Variants in RPS6KC1 observed in about 807,000 individuals in gnomAD.
The protein encoded by RPS6KC1 is inactive ribosomal protein S6 kinase delta-1.
RPS6KC1 carries 54 observed loss-of-function variants against 103.8 expected under a neutral mutation model. The ratio of observed to expected loss-of-function variants is 0.52; its 90% CI spans 0.42 to 0.65. The LOEUF (loss-of-function observed/expected upper bound fraction) is 0.65. Ranked by LOEUF, RPS6KC1 falls within the 30% of genes least tolerant of loss-of-function variation. The pLI, the probability that RPS6KC1 is intolerant of heterozygous loss-of-function variation, is 0.00. For missense variants in RPS6KC1, 1,151 were observed against 1,253.8 expected (o/e 0.92, Z 1.24); for synonymous variants, 439 against 438.7 (o/e 1.00, Z -0.01).
At chr1:213,292,289 CA>C in the RPS6KC1 span, among the ~76,000 whole-genome samples, 7 of 151,260 alleles carry the variant, frequency 4.6e-5, no homozygotes, top group African/African-American at 1.7e-4. Context: ...CAAAACAAAA[CA>C]AAAAAAACAT....
At chr1:213,377,374 G>A in the RPS6KC1 span, among the ~76,000 whole-genome samples, 1 of 152,216 alleles carries the variant, frequency 6.6e-6, no homozygotes, top group East Asian at 1.9e-4. Context: ...TGAACTGGGA[G>A]TACCCTAAAC....
the RPS6KC1 span, among the ~76,000 whole-genome samples, chr1:213,352,292 T>C: frequency 6.6e-6 from 1 of 152,212 alleles, no homozygotes; most frequent in Non-Finnish European, 1.5e-5. Flanking sequence ...TATTCTCTAC[T>C]GTAATTCTAA....
the RPS6KC1 span, among the ~76,000 whole-genome samples, chr1:213,398,322 C>T: frequency 6.6e-6 from 1 of 150,882 alleles, no homozygotes; most frequent in Non-Finnish European, 1.5e-5. Context: ...GCTAGGATTA[C>T]AGGTGTGAGC....
At chr1:213,153,278 A>AAGGCAGGCGCAG (rs1336548739) in intron 6 of RPS6KC1, among the ~76,000 whole-genome samples, 2 of 149,682 alleles carry the variant, frequency 1.3e-5, no homozygotes, top group Non-Finnish European at 3.0e-5. Context: ...GGGAGAGGCA[A>AAGGCAGGCGCAG]AGGCAGGCGC....
At chr1:213,262,697 A>T in intron 13 of RPS6KC1, 24 bp from the exon 14 acceptor site, 6 of 1,396,630 alleles carry the variant, frequency 4.3e-6, no homozygotes, top group Non-Finnish European at 6.1e-6. Flanking sequence ...TGGGATAAGA[A>T]GTGTACCTGA....
chr1:213,179,028 C>G (rs12065448), intron 8 of RPS6KC1, among the ~76,000 whole-genome samples: 1 of 151,890 alleles, frequency 6.6e-6, no homozygotes, highest in Admixed American at 6.6e-5. Flanking sequence ...CCTAACTTTT[C>G]TTAGTAGAGA....
chr1:213,782,479 G>GAA, the RPS6KC1 span, among the ~76,000 whole-genome samples: 158 of 152,120 alleles, frequency 1.0e-3, no homozygotes, highest in Non-Finnish European at 2.0e-3. Context: ...TGATGAGGAA[G>GAA]AAAAGGCTTA....
chr1:213,406,167 T>C, the RPS6KC1 span, among the ~76,000 whole-genome samples: 2 of 152,206 alleles, frequency 1.3e-5, no homozygotes, highest in African/African-American at 4.8e-5. Context: ...CTGGCTCCAC[T>C]GTGGGGTCGG....
the RPS6KC1 span, among the ~76,000 whole-genome samples, chr1:213,691,448 G>A: frequency 6.6e-6 from 1 of 152,108 alleles, no homozygotes; most frequent in Non-Finnish European, 1.5e-5. Flanking sequence ...GGGTTGGTAA[G>A]TGCCCTTAAA....
chr1:213,109,801 G>GTA (rs916308412), intron 4 of RPS6KC1, among the ~76,000 whole-genome samples: 1 of 151,486 alleles, frequency 6.6e-6, no homozygotes, highest in African/African-American at 2.4e-5. Flanking sequence ...TTTCTCGTAG[G>GTA]TATACCTAGG....
At chr1:213,610,958 C>T in the RPS6KC1 span, among the ~76,000 whole-genome samples, 4 of 152,138 alleles carry the variant, frequency 2.6e-5, no homozygotes, top group Non-Finnish European at 4.4e-5. Context: ...TGAAACATTT[C>T]CTATTTCTGA....
chr1:213,338,704 A>G, the RPS6KC1 span, among the ~76,000 whole-genome samples: 1,050 of 151,198 alleles, frequency 6.9e-3, 13 homozygotes, highest in African/African-American at 0.021. Context: ...GCTTTGTGAC[A>G]TGTTTTGACT....
the RPS6KC1 span, among the ~76,000 whole-genome samples, chr1:213,554,523 A>G: frequency 6.6e-6 from 1 of 152,174 alleles, no homozygotes; most frequent in Non-Finnish European, 1.5e-5. Context: ...TTTGGTTCCA[A>G]ATGAATTTTA....
intron 5 of RPS6KC1, among the ~76,000 whole-genome samples, chr1:213,126,857 T>C (rs547790238): frequency 6.6e-6 from 1 of 152,314 alleles, no homozygotes; most frequent in Non-Finnish European, 1.5e-5. Flanking sequence ...AGACCACATA[T>C]GGCCTGCAAA....
Position 213,144,239 on chromosome 1 carries a change from T to G in RPS6KC1, c.835+14350T>G, listed in dbSNP as rs530199473. Among the ~76,000 whole-genome samples, 4 of 152,202 alleles carry G rather than the reference T, an allele frequency of 2.6e-5. No individual in the cohort carries two copies. In the South Asian group the frequency reaches 8.3e-4, roughly 32 times the overall value. On this transcript the variant is annotated intron_variant, in intron 6 of 14. Coordinates refer to ENST00000366960, the MANE Select transcript of RPS6KC1 (RefSeq NM_012424.6). ...ACTTAGAAGTATGTCATAAATAGCA[T>G]AAGCATATTGTTTAATTTTCTGGCA...
the RPS6KC1 span, among the ~76,000 whole-genome samples, chr1:213,808,490 G>T: frequency 6.6e-6 from 1 of 152,230 alleles, no homozygotes; most frequent in Non-Finnish European, 1.5e-5. Flanking sequence ...AATGGTGGGT[G>T]CCCCTCCCCC....
the RPS6KC1 span, among the ~76,000 whole-genome samples, chr1:213,664,692 C>A: frequency 1.3e-5 from 2 of 152,254 alleles, 1 homozygote; most frequent in South Asian, 4.1e-4. Context: ...GGAAACAATG[C>A]CCCTGCCTGG....
At chr1:213,406,577 G>A in the RPS6KC1 span, among the ~76,000 whole-genome samples, 1 of 152,144 alleles carries the variant, frequency 6.6e-6, no homozygotes, top group Non-Finnish European at 1.5e-5. Context: ...CCCTAGAAGA[G>A]AGGGCACTGT....
the RPS6KC1 span, among the ~76,000 whole-genome samples, chr1:213,768,133 ATTT>A: frequency 6.6e-6 from 1 of 152,038 alleles, no homozygotes; most frequent in Non-Finnish European, 1.5e-5. Context: ...ACTGGCTTTT[ATTT>A]TCCACAAAAT....
Sources: allele counts gnomAD v4.1 joint callset (sites outside exome capture counted in the v4.1 genomes callset), GRCh38; gene constraint gnomAD v4.1.1; transcripts MANE v1.5; gene names NCBI Gene and HGNC (gene_info 2026-07-23, HGNC 2026-07-21).